ACTN4: variants seen among roughly 807,000 people sequenced by gnomAD.
The protein encoded by ACTN4 is actinin alpha 4, also known as alpha-actinin-4.
In ACTN4, 18 loss-of-function variants were observed where a neutral mutation model predicts 114.2. The observed-to-expected ratio is 0.16, with a 90% CI of 0.11 to 0.23. The LOEUF is 0.23. Ranked by LOEUF, ACTN4 falls within the 10% of genes least tolerant of loss-of-function variation. The pLI is 1.00. For missense variants in ACTN4, 722 were observed against 1,262.9 expected, an observed-to-expected ratio of 0.57 and a Z score of 6.49; for synonymous variants, 515 against 506.3, an observed-to-expected ratio of 1.02 and a Z score of -0.23.
At position 38,681,228 on chromosome 19, in the gene ACTN4, T is replaced by C. The variant is rs542749744; in HGVS notation, c.163-19372T>C. Among the ~76,000 whole-genome samples, 5 of 151,688 alleles carry C rather than the reference T, an allele frequency of 3.3e-5. No homozygotes were observed. In the East Asian group the frequency reaches 9.7e-4, roughly 29 times the overall value. On this transcript the variant is annotated intron_variant, in intron 1 of 20. Coordinates refer to ENST00000252699, the MANE Select transcript of ACTN4 (RefSeq NM_004924.6). ...CTTTGGACAGATGACTTAACCACTCTGTGAAGATGGTATCTGATGCACAGG... is the reference window on the plus strand; with the variant it reads ...CTTTGGACAGATGACTTAACCACTCCGTGAAGATGGTATCTGATGCACAGG...
chr19:38,679,568 C>CGTGTGTGTGTGTGT (rs10583743), intron 1 of ACTN4, among the ~76,000 whole-genome samples: 5,178 of 145,464 alleles, frequency 0.036, 174 homozygotes, highest in East Asian at 0.12. Context: ...TTTGGGTGTG[C>CGTGTGTGTGTGTGT]GTGTGTGTGT....
chr19:38,679,568 C>CGTGCGTGTGTGT (rs149048298), intron 1 of ACTN4, among the ~76,000 whole-genome samples: 3 of 145,420 alleles, frequency 2.1e-5, no homozygotes, highest in East Asian at 4.2e-4. Flanking sequence ...TTTGGGTGTG[C>CGTGCGTGTGTGT]GTGTGTGTGT....
chr19:38,652,367 C>T (rs537507472), intron 1 of ACTN4, among the ~76,000 whole-genome samples: 1 of 152,156 alleles, frequency 6.6e-6, no homozygotes, highest in Non-Finnish European at 1.5e-5. Flanking sequence ...GAACTTGACT[C>T]TTCTAATGAC....
At chr19:38,710,494 C>G (rs940153942) in intron 8 of ACTN4, 152 bp downstream of exon 8, 1 of 825,902 alleles carries the variant, frequency 1.2e-6, no homozygotes, top group African/African-American at 1.7e-5. Context: ...TTGCTGCCCC[C>G]TCAGCCTTAG....
intron 1 of ACTN4, among the ~76,000 whole-genome samples, chr19:38,653,147 C>T (rs1035814664): frequency 5.3e-5 from 8 of 151,822 alleles, no homozygotes; most frequent in Non-Finnish European, 8.8e-5. Context: ...GTCTAAGCCT[C>T]CTGGGTGGGG....
chr19:38,666,164 C>T (rs1966950929), intron 1 of ACTN4, among the ~76,000 whole-genome samples: 3 of 152,118 alleles, frequency 2.0e-5, no homozygotes, highest in Admixed American at 6.6e-5. Context: ...CCTCCTTCCT[C>T]CCGCGCCCCC....
chr19:38,702,105 C>T (rs1968297780), intron 3 of ACTN4, among the ~76,000 whole-genome samples: 1 of 152,230 alleles, frequency 6.6e-6, no homozygotes, highest in African/African-American at 2.4e-5. Context: ...GGTCTTTCCT[C>T]CAGGCTCTGT....
At position 38,729,450 on chromosome 19, in the gene ACTN4, C is replaced by CCAA. The variant is rs1568754386; in HGVS notation, c.*21_*23dup. On this transcript the variant is annotated 3_prime_UTR_variant, in exon 21 of 21. Coordinates refer to ENST00000252699, the MANE Select transcript of ACTN4 (RefSeq NM_004924.6). Reference sequence around the variant, plus strand: ...ACCTGTGAGGCCCCAGAGACCTGACCCAACACCCCCGACGGCCTCCAGGAG... The same window carrying CCAA: ...ACCTGTGAGGCCCCAGAGACCTGACCCAACAACACCCCCGACGGCCTCCAGGAG... 2 of 1,612,566 alleles carry CCAA rather than the reference C, an allele frequency of 1.2e-6. No homozygotes were observed. The highest frequency in any genetic ancestry group is 8.5e-7 in the Non-Finnish European group (1 of 1,179,906).
intron 1 of ACTN4, among the ~76,000 whole-genome samples, chr19:38,671,017 C>T (rs769779597): frequency 5.9e-5 from 9 of 151,972 alleles, no homozygotes; most frequent in Non-Finnish European, 8.8e-5. Context: ...ATGGTCTTGA[C>T]CCTGTCTCTG....
In ACTN4 at chr19:38,729,490, CCA is replaced by C. The variant is rs1969399860; in HGVS notation, c.*61_*62del. ...GCCTCCAGGAGGGGCCTGGGCAGCCCCACAGTCCCATTCCTCCACTCTGTATC... is the reference window on the plus strand; with the variant it reads ...GCCTCCAGGAGGGGCCTGGGCAGCCCCAGTCCCATTCCTCCACTCTGTATC... On this transcript the variant is annotated 3_prime_UTR_variant, in exon 21 of 21. Transcript: ENST00000252699. 1 of 1,580,034 alleles carries C rather than the reference CCA, an allele frequency of 6.3e-7. No individual in the cohort carries two copies.
At chr19:38,715,079 C>CA (rs1414807699) in intron 9 of ACTN4, among the ~76,000 whole-genome samples, 11 of 152,098 alleles carry the variant, frequency 7.2e-5, no homozygotes, top group Non-Finnish European at 1.6e-4. Context: ...ACTAGTGGGA[C>CA]AGAGAGCTGG....
intron 1 of ACTN4, among the ~76,000 whole-genome samples, chr19:38,673,517 T>TCATATATTTATATATATGAATA (rs1555826155): frequency 1.2e-5 from 1 of 80,392 alleles, no homozygotes; most frequent in Non-Finnish European, 2.6e-5. Flanking sequence ...GAATATATAT[T>TCATATATTTATATATATGAATA]TATATATATT....
rs767232713 is a variant in ACTN4 at position 38,729,545 on chromosome 19, G to A, written c.*113G>A. On this transcript the variant is annotated 3_prime_UTR_variant, in exon 21 of 21. Coordinates refer to ENST00000252699, the MANE Select transcript of ACTN4 (RefSeq NM_004924.6). ...TGCAAAGCACTCTCTGCAGTCCTCC[G>A]GGGTGGGTGGGTGGGCAGGGAGGGG... is the stretch of plus-strand genomic sequence containing the variant. 55 of 446,264 alleles carry A rather than the reference G, an allele frequency of 1.2e-4. No homozygotes were observed. Among genetic ancestry groups the A allele is most frequent in the Admixed American group, 2.9e-4 (12 of 41,518 alleles). 27.6% of individuals were successfully genotyped at this position (446,264 alleles called of 1,614,324 possible). A position where few individuals can be genotyped will look rare whatever the true frequency, so the allele number is the denominator to read the frequency against.
intron 1 of ACTN4, among the ~76,000 whole-genome samples, chr19:38,677,261 CAG>C (rs1454076646): frequency 6.6e-6 from 1 of 152,204 alleles, no homozygotes; most frequent in Non-Finnish European, 1.5e-5. Context: ...GTCACGAGAG[CAG>C]AGAGAGAATC....
intron 8 of ACTN4, among the ~76,000 whole-genome samples, chr19:38,713,101 A>C (rs1968715660): frequency 6.6e-6 from 1 of 152,120 alleles, no homozygotes; most frequent in Non-Finnish European, 1.5e-5. Context: ...AAGCTCTTGC[A>C]AGAGTGCTCT....
At chr19:38,673,083 C>T (rs1395942275) in intron 1 of ACTN4, among the ~76,000 whole-genome samples, 1 of 151,398 alleles carries the variant, frequency 6.6e-6, no homozygotes, top group Non-Finnish European at 1.5e-5. Context: ...GCTGAGATTA[C>T]ATGCATGCAC....
At chr19:38,652,811 C>T (rs558060880) in intron 1 of ACTN4, among the ~76,000 whole-genome samples, 6 of 152,118 alleles carry the variant, frequency 3.9e-5, no homozygotes, top group Admixed American at 1.3e-4. Context: ...TATGGCCGGG[C>T]GCAGTGGCTC....
intron 1 of ACTN4, among the ~76,000 whole-genome samples, chr19:38,663,638 G>C (rs1257445831): frequency 1.3e-5 from 2 of 152,216 alleles, no homozygotes; most frequent in Non-Finnish European, 1.5e-5. Flanking sequence ...GGGGTCCGGC[G>C]TGCAATCGAA....
chr19:38,650,529 A>G (rs1976531069), intron 1 of ACTN4, among the ~76,000 whole-genome samples: 2 of 152,198 alleles, frequency 1.3e-5, no homozygotes, highest in Non-Finnish European at 2.9e-5. Context: ...GCCAGATTCT[A>G]GTACCTCCTG....
Sources: gnomAD v4.1 joint callset for allele counts (sites outside exome capture counted in the v4.1 genomes callset) on GRCh38, gnomAD v4.1.1 for gene constraint, MANE v1.5 for transcripts, NCBI Gene and HGNC (gene_info 2026-07-23, HGNC 2026-07-21) for gene names.